PLEC: variants seen among roughly 807,000 people sequenced by gnomAD.
PLEC encodes the protein plectin.
A neutral mutation model predicts 392.8 loss-of-function variants in PLEC; 216 were observed. The ratio of observed to expected loss-of-function variants is 0.55; its 90% CI spans 0.49 to 0.62. The LOEUF (loss-of-function observed/expected upper bound fraction) is 0.62, where lower values mean the gene tolerates loss of function less well. Among genes scored for constraint, PLEC ranks in the 20% least tolerant of loss-of-function variants. The pLI is 0.00. For synonymous variants in PLEC, 3,621 were observed against 2,980.6 expected, an observed-to-expected ratio of 1.21 and a Z score of -7.00; for missense variants, 6,863 against 6,563.4, an observed-to-expected ratio of 1.05 and a Z score of -1.58.
In PLEC at chr8:143,929,634, G is replaced by T. The variant is rs782373620; in HGVS notation, c.2923+12C>A. 1 of 1,607,422 alleles carries T rather than the reference G, an allele frequency of 6.2e-7. No individual in the cohort carries two copies. The highest frequency in any genetic ancestry group is 1.3e-5 in the African/African-American group (1 of 75,044). ...GCACCAGCCCAACCGCCCCAGCCCT[G>T]CCGTGCCCTACCCTGTTCCAGGCTC... On this transcript the variant is annotated intron_variant, in intron 23 of 31. Transcript: ENST00000345136.
At chr8:143,966,556 C>T (rs941166584) in intron 1 of PLEC, among the ~76,000 whole-genome samples, 3 of 152,224 alleles carry the variant, frequency 2.0e-5, no homozygotes, top group Admixed American at 6.5e-5. Context: ...AGGCCAGGAT[C>T]TTGCAGGGGT....
chr8:143,954,579 C>T (rs1378134673), upstream of PLEC, among the ~76,000 whole-genome samples: 2 of 152,218 alleles, frequency 1.3e-5, no homozygotes, highest in Admixed American at 6.5e-5. This position sits in a 1 kb window ranked among gnomAD's most constrained non-coding sequence, Gnocchi z 4.6. Context: ...AGGGACCCTT[C>T]GCAGCTGCTC....
Position 143,916,558 on chromosome 8 carries a change from G to C in PLEC, c.13263C>G (p.Thr4421=), listed in dbSNP as rs369202116. The change falls in exon 32 of 32, where the codon ACC becomes ACG. Residue 4421 remains threonine (T), a synonymous_variant. Coordinates refer to ENST00000345136, the MANE Select transcript of PLEC (RefSeq NM_201384.3). ...ALQRGTVDAR[T]AQKLRDVGAY... ...CGCCCACGTCACGCAGCTTCTGTGC[G>C]GTGCGGGCGTCCACCGTGCCGCGCT... 2 of 1,611,586 alleles carry C rather than the reference G, an allele frequency of 1.2e-6. No homozygotes were observed. Among genetic ancestry groups the C allele is most frequent in the Non-Finnish European group, 1.7e-6 (2 of 1,179,502 alleles).
At position 143,937,151 on chromosome 8, in the gene PLEC, C is replaced by T; in HGVS notation, c.342+14G>A. On this transcript the variant is annotated intron_variant, in intron 4 of 31. Transcript: ENST00000345136. ...GGGTCTGGGTGGGGCCCAGGGCCTG[C>T]CGGGCAGCCTTACCTGGCGGTGCCG... 6.2e-7 allele frequency: 1 copy of T among 1,611,546 alleles called. No individual in the cohort carries two copies.
rs368572993 is a variant in PLEC at position 143,920,505 on chromosome 8, T to G, written c.9316A>C (p.Arg3106=). ...ACGCTCTGCCCTGTGTAGGGGTCCC[T>G]GTACCCTGTCACAGCCTTCTCGGCT... ...LSAEKAVTGY[R]DPYTGQSVSL... Residue 3106 remains arginine (R), a synonymous_variant, in exon 32 of 32, where the codon AGG becomes CGG. Transcript: ENST00000345136. 12 of 1,610,630 alleles carry G rather than the reference T, an allele frequency of 7.5e-6. No homozygotes were observed. The highest frequency in any genetic ancestry group is 1.3e-5 in the African/African-American group (1 of 74,924).
Position 143,917,785 on chromosome 8 carries a change from A to G in PLEC, c.12036T>C (p.Thr4012=). The part of the protein sequence containing the change: ...DKLLSAERAV[T]GYKDPYSGKL... ...TCCCAGAGTAGGGGTCCTTGTACCC[A>G]GTGACGGCGCGCTCGGCCGACAGCA... Residue 4012 remains threonine (T), a synonymous_variant, in exon 32 of 32, where the codon ACT becomes ACC. Coordinates refer to ENST00000345136, the MANE Select transcript of PLEC (RefSeq NM_201384.3). 2 of 1,613,518 alleles carry G rather than the reference A, an allele frequency of 1.2e-6. No individual in the cohort carries two copies. The highest frequency in any genetic ancestry group is 1.7e-6 in the Non-Finnish European group (2 of 1,179,986).
chr8:143,917,680 G>T lies in PLEC; in HGVS notation c.12141C>A (p.Ile4047=), dbSNP rs782237359. The T allele has an allele frequency of 6.8e-6, 11 of 1,613,486 alleles. No individual in the cohort carries two copies. The highest frequency in any genetic ancestry group is 8.5e-6 in the Non-Finnish European group (10 of 1,180,042). The change falls in exon 32 of 32, where the codon ATC becomes ATA. Residue 4047 remains isoleucine, a synonymous_variant. Transcript: ENST00000345136. ...CAGGGTCGATGATGCCGCCCGTGGC[G>T]ATCTGGGCCTCCAGCAGGCGGATGC... is the stretch of plus-strand genomic sequence containing the variant. ...DHGIRLLEAQ[I]ATGGIIDPEE... is the part of the protein sequence containing the mutation.
chr8:143,917,355 C>T lies in PLEC; in HGVS notation c.12466G>A (p.Glu4156Lys), dbSNP rs781855093. The T allele has an allele frequency of 4.7e-5, 75 of 1,610,276 alleles. No individual in the cohort carries two copies. The highest frequency in any genetic ancestry group is 5.8e-5 in the Non-Finnish European group (68 of 1,179,982). Residue 4156 changes from glutamate to lysine, a missense_variant, in exon 32 of 32, where the codon GAG (glutamate) becomes AAG (lysine). Transcript: ENST00000345136. ...PETGKEMSVYEAYRKGLIDHQ... is the reference protein window; with the variant it reads ...PETGKEMSVYKAYRKGLIDHQ... ...TCAATCAGGCCCTTGCGGTAGGCCT[C>T]GTACACTGACATCTCCTTGCCCGTC...
chr8:143,966,831 C>T (rs151265784), intron 1 of PLEC, among the ~76,000 whole-genome samples: 6 of 152,272 alleles, frequency 3.9e-5, no homozygotes, highest in Admixed American at 6.5e-5. Context: ...CACAAGCCCA[C>T]GGCCAGACCC....
upstream of PLEC, chr8:143,975,110 C>G: frequency 6.5e-7 from 1 of 1,530,556 alleles, no homozygotes; most frequent in Non-Finnish European, 8.9e-7. This position sits in a 1 kb window ranked among gnomAD's most constrained non-coding sequence, Gnocchi z 9.9. Context: ...CAGCGCCTAG[C>G]ACGCAGCGGG....
upstream of PLEC, among the ~76,000 whole-genome samples, chr8:143,956,525 G>A (rs1554739333): frequency 2.6e-5 from 4 of 152,332 alleles, no homozygotes; most frequent in South Asian, 4.1e-4. Flanking sequence ...CCGTGATTGC[G>A]CCACTGCATT....
upstream of PLEC, among the ~76,000 whole-genome samples, chr8:143,955,719 C>T (rs1832552182): frequency 6.6e-6 from 1 of 151,734 alleles, no homozygotes; most frequent in African/African-American, 2.4e-5. Context: ...CCCACCTCAG[C>T]TTTCTGAGTA....
chr8:143,946,318 C>A (rs1554732160), intron 1 of PLEC: 3 of 1,285,242 alleles, frequency 2.3e-6, no homozygotes, highest in Non-Finnish European at 3.0e-6. Flanking sequence ...CTCTCCTCTG[C>A]CTCCCACAGC....
At chr8:143,960,355 T>C (rs915302150) in intron 1 of PLEC, among the ~76,000 whole-genome samples, 6 of 151,748 alleles carry the variant, frequency 4.0e-5, no homozygotes, top group Non-Finnish European at 7.4e-5. Flanking sequence ...CAGTGGCTCA[T>C]GCCTGTAATT....
Position 143,924,367 on chromosome 8 carries a change from G to T in PLEC, c.5562C>A (p.Ile1854=), listed in dbSNP as rs782000075. 2 of 1,596,692 alleles carry T rather than the reference G, an allele frequency of 1.3e-6. No individual in the cohort carries two copies. The highest frequency in any genetic ancestry group is 2.2e-5 in the East Asian group (1 of 44,752). The change falls in exon 31 of 32, where the codon ATC becomes ATA. Residue 1854 remains isoleucine, a synonymous_variant. Coordinates refer to ENST00000345136, the MANE Select transcript of PLEC (RefSeq NM_201384.3). ...TCTCCGCCTCCTTCTCCTTGAGCGC[G>T]ATCTCCGCCTCCGTCTTGAGCCGCG... ...EATRLKTEAE[I]ALKEKEAENE... is the part of the protein sequence containing the mutation.
At chr8:143,930,630 C>T in intron 19 of PLEC, 94 bp from the exon 20 acceptor site, 3 of 1,310,068 alleles carry the variant, frequency 2.3e-6, no homozygotes, top group South Asian at 2.5e-5. Context: ...CTGTGGGGCC[C>T]TCCTGATGCT....
upstream of PLEC, chr8:143,953,719 A>G (rs1554738149): frequency 6.2e-7 from 1 of 1,610,970 alleles, no homozygotes; most frequent in African/African-American, 1.3e-5. Flanking sequence ...CGGCCCCAGG[A>G]CCGCACCTTT....
chr8:143,921,309 C>G lies in PLEC; in HGVS notation c.8512G>C (p.Glu2838Gln). The G allele has an allele frequency of 1.9e-6, 3 of 1,613,994 alleles. No homozygotes were observed. Among genetic ancestry groups the G allele is most frequent in the Non-Finnish European group, 2.5e-6 (3 of 1,180,022 alleles). Residue 2838 changes from glutamate to glutamine, a missense_variant, in exon 32 of 32, where the codon GAG becomes CAG. Coordinates refer to ENST00000345136, the MANE Select transcript of PLEC (RefSeq NM_201384.3). ...VAYRRGYFDE[E>Q]MNRVLADPSD... is the part of the protein sequence containing the mutation. ...GGGTCCGCCAGGACGCGGTTCATCT[C>G]CTCGTCGAAGTAGCCGCGCCGGTAG...
rs782706697 is a variant in PLEC at position 143,925,606 on chromosome 8, C to T, written c.4323G>A (p.Glu1441=). ...TGCGCAGCCGGCTGCGCTCAGCCGC[C>T]TCTGCCTGCCGGGCCTTGGCCTGGA... is the stretch of plus-strand genomic sequence containing the variant. The part of the protein sequence containing the change: ...AEIQAKARQA[E]AAERSRLRIE... Residue 1441 remains glutamate, a synonymous_variant, in exon 31 of 32, where the codon GAG becomes GAA. Transcript: ENST00000345136. 1 of 1,582,078 alleles carries T rather than the reference C, an allele frequency of 6.3e-7. No homozygotes were observed. Among genetic ancestry groups the T allele is most frequent in the Non-Finnish European group, 8.5e-7 (1 of 1,171,638 alleles).
Sources: gnomAD v4.1 joint callset for allele counts (sites outside exome capture counted in the v4.1 genomes callset) on GRCh38, gnomAD v4.1.1 for gene constraint, Gnocchi (gnomAD v3.1) non-coding constraint, MANE v1.5 for transcripts, NCBI Gene and HGNC (gene_info 2026-07-23, HGNC 2026-07-21) for gene names.